PCGF6: variants seen among roughly 807,000 people sequenced by gnomAD.
The protein encoded by PCGF6 is polycomb group RING finger protein 6.
In PCGF6, 24 loss-of-function variants were observed where a neutral mutation model predicts 45.5. The ratio of observed to expected loss-of-function variants is 0.53; its 90% CI spans 0.38 to 0.74. The LOEUF is 0.74. Among genes scored for constraint, PCGF6 ranks in the 30% least tolerant of loss-of-function variants. The pLI, the probability that PCGF6 is intolerant of heterozygous loss-of-function variation, is 0.00. For synonymous variants in PCGF6, 152 were observed against 162.1 expected, an observed-to-expected ratio of 0.94 and a Z score of 0.47; for missense variants, 356 against 443.2, an observed-to-expected ratio of 0.80 and a Z score of 1.77.
At chr10:103,309,523 T>C (rs951221451) in intron 9 of PCGF6, among the ~76,000 whole-genome samples, 1 of 152,198 alleles carries the variant, frequency 6.6e-6, no homozygotes, top group African/African-American at 2.4e-5. Context: ...TGCAGAACTG[T>C]GAGACAATTA....
chr10:103,342,270 A>C (rs2093283716), intron 6 of PCGF6, among the ~76,000 whole-genome samples: 1 of 134,664 alleles, frequency 7.4e-6, no homozygotes, highest in Non-Finnish European at 1.6e-5. Flanking sequence ...TTTCGCTCTC[A>C]TTGCCCAGGC....
chr10:103,346,408 G>A (rs141659810), intron 5 of PCGF6, among the ~76,000 whole-genome samples: 480 of 151,920 alleles, frequency 3.2e-3, no homozygotes, highest in Middle Eastern at 0.01. Flanking sequence ...GGCAGATCAC[G>A]AGGTCAAGAG....
At chr10:103,321,283 A>G (rs929356047) in intron 8 of PCGF6, among the ~76,000 whole-genome samples, 1 of 152,182 alleles carries the variant, frequency 6.6e-6, no homozygotes, top group Non-Finnish European at 1.5e-5. Context: ...GATTACAGGT[A>G]TGAGCCTTTA....
chr10:103,321,958 T>G (rs527273347), intron 8 of PCGF6, among the ~76,000 whole-genome samples: 2 of 151,358 alleles, frequency 1.3e-5, no homozygotes, highest in Admixed American at 6.6e-5. Context: ...TGCAGTGGCA[T>G]GGTCTCAGCT....
intron 8 of PCGF6, among the ~76,000 whole-genome samples, chr10:103,318,145 T>TA (rs1165865116): frequency 3.4e-5 from 5 of 147,350 alleles, no homozygotes; most frequent in East Asian, 2.1e-4. Context: ...TTTTTTGCTT[T>TA]AAAAAAAATG....
intron 8 of PCGF6, among the ~76,000 whole-genome samples, chr10:103,321,415 T>C (rs181400104): frequency 6.0e-4 from 91 of 152,240 alleles, no homozygotes; most frequent in Middle Eastern, 3.4e-3. Flanking sequence ...GGTGACTATA[T>C]GTAATAATAT....
Position 103,347,383 on chromosome 10 carries a change from A to T in PCGF6, c.613+12T>A, listed in dbSNP as rs764637934. 6 of 1,598,800 alleles carry T rather than the reference A, an allele frequency of 3.8e-6. No individual in the cohort carries two copies. Among genetic ancestry groups the T allele is most frequent in the Middle Eastern group, 3.3e-4 (2 of 5,988 alleles). ...TTCTGGGATTCACAACCATGTAATA[A>T]AAGAAACTTACTTTCCTCTAGATTG... is the stretch of plus-strand genomic sequence containing the variant. On this transcript the variant is annotated intron_variant, in intron 4 of 9. Coordinates refer to ENST00000369847, the MANE Select transcript of PCGF6 (RefSeq NM_001011663.2).
At chr10:103,338,461 C>A (rs1478552795) in intron 6 of PCGF6, among the ~76,000 whole-genome samples, 2 of 150,460 alleles carry the variant, frequency 1.3e-5, no homozygotes, top group Non-Finnish European at 3.0e-5. Flanking sequence ...AGGAGAATGG[C>A]ATGAACCCGG....
chr10:103,309,199 G>A (rs973167921), intron 9 of PCGF6, among the ~76,000 whole-genome samples: 23 of 151,928 alleles, frequency 1.5e-4, no homozygotes, highest in African/African-American at 5.6e-4. Context: ...GATTTGGTGG[G>A]GGGGGGGCAT....
intron 1 of PCGF6, among the ~76,000 whole-genome samples, 181 bp downstream of exon 1, chr10:103,350,526 C>A (rs1301196878): frequency 6.6e-6 from 1 of 152,182 alleles, no homozygotes. Flanking sequence ...AGACCCAGGC[C>A]GGGCCGGAGG....
chr10:103,314,208 G>C lies in PCGF6; in HGVS notation c.974C>G (p.Ala325Gly). ...QYQTLREIRRAIGDAAMQDGL... is the reference protein window; with the variant it reads ...QYQTLREIRRGIGDAAMQDGL... Reference sequence around the variant, plus strand: ...TACCTGCATTGCTGCATCACCTATTGCACGTCGGATTTCCCTTAGAGTTTG... The same window carrying C: ...TACCTGCATTGCTGCATCACCTATTCCACGTCGGATTTCCCTTAGAGTTTG... The change falls in exon 9 of 10, where the codon GCA becomes GGA. Residue 325 changes from alanine (A) to glycine (G), a missense_variant. By Grantham distance (60) the Ala-to-Gly change is moderately conservative. Transcript: ENST00000369847. 1.9e-6 allele frequency: 3 copies of C among 1,604,678 alleles called. No individual in the cohort carries two copies. The highest frequency in any genetic ancestry group is 8.5e-7 in the Non-Finnish European group (1 of 1,173,104).
intron 9 of PCGF6, among the ~76,000 whole-genome samples, chr10:103,312,900 G>T (rs1172625776): frequency 6.6e-6 from 1 of 152,156 alleles, no homozygotes; most frequent in Non-Finnish European, 1.5e-5. Context: ...GGCGGAGCTT[G>T]CAGTGAGCCG....
chr10:103,345,466 C>A (rs1165739481), intron 5 of PCGF6, among the ~76,000 whole-genome samples: 1 of 151,798 alleles, frequency 6.6e-6, no homozygotes. Context: ...TCATCTCATT[C>A]GTCCTTACTA....
intron 6 of PCGF6, among the ~76,000 whole-genome samples, chr10:103,339,346 C>T (rs1215753412): frequency 2.0e-5 from 3 of 151,992 alleles, no homozygotes; most frequent in Admixed American, 1.3e-4. Context: ...CCTGAGATCG[C>T]GCCACTGCAG....
At chr10:103,313,061 T>C (rs2093163107) in intron 9 of PCGF6, among the ~76,000 whole-genome samples, 1 of 152,256 alleles carries the variant, frequency 6.6e-6, no homozygotes, top group South Asian at 2.1e-4. Context: ...TCATTAAACT[T>C]GTAGATCCTA....
At chr10:103,320,654 C>T (rs189588849) in intron 8 of PCGF6, among the ~76,000 whole-genome samples, 3 of 151,966 alleles carry the variant, frequency 2.0e-5, no homozygotes, top group African/African-American at 7.2e-5. Flanking sequence ...CGCACCATTG[C>T]ACTCCATCCT....
At chr10:103,347,018 C>T (rs1592078978) in intron 5 of PCGF6, among the ~76,000 whole-genome samples, 1 of 152,092 alleles carries the variant, frequency 6.6e-6, no homozygotes, top group Non-Finnish European at 1.5e-5. Context: ...TTAAGTTATA[C>T]ACCTCATAAA....
rs1228677780 is a variant in PCGF6 at position 103,326,652 on chromosome 10, A to G, written c.811-20T>C. The G allele has an allele frequency of 4.4e-6, 7 of 1,592,210 alleles. No homozygotes were observed. Among genetic ancestry groups the G allele is most frequent in the African/African-American group, 1.3e-5 (1 of 74,236 alleles). On this transcript the variant is annotated intron_variant, in intron 7 of 9. Transcript: ENST00000369847. ...CAATGGCTACAAAAACAGACAGATA[A>G]AACTATTTTTAGGTTAAATATACCT...
intron 6 of PCGF6, among the ~76,000 whole-genome samples, chr10:103,343,134 T>C (rs576429158): frequency 5.3e-5 from 8 of 152,098 alleles, no homozygotes; most frequent in Non-Finnish European, 1.0e-4. Context: ...TTCACCGTGT[T>C]AGCCAGGATG....
Sources: gnomAD v4.1 joint callset for allele counts (sites outside exome capture counted in the v4.1 genomes callset) on GRCh38, gnomAD v4.1.1 for gene constraint, MANE v1.5 for transcripts, NCBI Gene and HGNC (gene_info 2026-07-23, HGNC 2026-07-21) for gene names.